PPP1R14C: variants seen among roughly 807,000 people sequenced by gnomAD.
PPP1R14C encodes protein phosphatase 1 regulatory inhibitor subunit 14C, also known as protein phosphatase 1 regulatory subunit 14C.
A neutral mutation model predicts 20.4 loss-of-function variants in PPP1R14C; 16 were observed. That is an observed-to-expected ratio of 0.78 (90% confidence interval 0.53 to 1.19). The LOEUF (loss-of-function observed/expected upper bound fraction) is 1.19. Ranked by LOEUF, PPP1R14C falls within the 50% of genes most tolerant of loss-of-function variation. The pLI, the probability that PPP1R14C is intolerant of heterozygous loss-of-function variation, is 0.00. For synonymous variants in PPP1R14C, 91 were observed against 91.0 expected, an observed-to-expected ratio of 1.00 and a Z score of 0.00; for missense variants, 211 against 220.1, an observed-to-expected ratio of 0.96 and a Z score of 0.26.
chr6:150,220,722 C>T (rs1778156899), intron 3 of PPP1R14C, among the ~76,000 whole-genome samples: 1 of 152,178 alleles, frequency 6.6e-6, no homozygotes, highest in Admixed American at 6.5e-5. Context: ...GGCTTCGCAG[C>T]CAACAGTGAA....
At chr6:150,198,056 G>C (rs1185246969) in intron 1 of PPP1R14C, among the ~76,000 whole-genome samples, 3 of 26,610 alleles carry the variant, frequency 1.1e-4, no homozygotes, top group Admixed American at 3.6e-4. Flanking sequence ...TGTGCCCCTG[G>C]CCGCCACGGT....
At chr6:150,152,118 T>C (rs1777254937) in intron 1 of PPP1R14C, among the ~76,000 whole-genome samples, 1 of 45,226 alleles carries the variant, frequency 2.2e-5, no homozygotes, top group Non-Finnish European at 3.8e-5. Context: ...AGACTCCGTC[T>C]CAAAAAAAAA....
intron 3 of PPP1R14C, among the ~76,000 whole-genome samples, chr6:150,222,930 G>A (rs1028816852): frequency 2.9e-4 from 44 of 151,752 alleles, no homozygotes; most frequent in Middle Eastern, 3.4e-3. Context: ...CACCACACCC[G>A]GCTAATTTTT....
chr6:150,209,841 TTGTGTG>T (rs148237324), intron 1 of PPP1R14C, among the ~76,000 whole-genome samples: 2 of 143,746 alleles, frequency 1.4e-5, no homozygotes, highest in Non-Finnish European at 3.1e-5. Flanking sequence ...GTGTATATAT[TTGTGTG>T]TGTGTGTGTG....
intron 1 of PPP1R14C, among the ~76,000 whole-genome samples, chr6:150,150,458 T>G (rs1408504): frequency 0.57 from 87,229 of 151,900 alleles, 25,206 homozygotes; most frequent in East Asian, 0.72. Context: ...TGTTTGCTTT[T>G]GCTGTCTTCT....
Position 150,143,657 on chromosome 6 carries a change from C to T in PPP1R14C, c.306+159C>T, listed in dbSNP as rs1161680469. Among the ~76,000 whole-genome samples the T allele has an allele frequency of 1.3e-5, 2 of 152,212 alleles. No individual in the cohort carries two copies. The highest frequency in any genetic ancestry group is 2.9e-5 in the Non-Finnish European group (2 of 68,038). On this transcript the variant is annotated intron_variant, in intron 1 of 3. Coordinates refer to ENST00000361131, the MANE Select transcript of PPP1R14C (RefSeq NM_030949.3). The surrounding 1 kb of genome is among the most constrained non-coding windows in gnomAD (Gnocchi z 5.6). ...CGGCGCCTTCTCTCCCCCGCGGTGC[C>T]CTCTGGCGTCGGGCTCAGCGGTTGG...
At chr6:150,149,299 A>G (rs926443790) in intron 1 of PPP1R14C, among the ~76,000 whole-genome samples, 7 of 147,344 alleles carry the variant, frequency 4.8e-5, no homozygotes, top group South Asian at 4.4e-4. Context: ...CTCCATACAT[A>G]TGTGTGTGTG....
intron 3 of PPP1R14C, among the ~76,000 whole-genome samples, chr6:150,238,505 A>G (rs1562277440): frequency 6.6e-6 from 1 of 152,238 alleles, no homozygotes; most frequent in Non-Finnish European, 1.5e-5. Flanking sequence ...TGCCTTCTCC[A>G]GTCTTTGGCT....
chr6:150,184,236 T>G (rs1777652464), intron 1 of PPP1R14C, among the ~76,000 whole-genome samples: 1 of 152,216 alleles, frequency 6.6e-6, no homozygotes, highest in Non-Finnish European at 1.5e-5. Flanking sequence ...CAATCATGTC[T>G]TTGTGCTTTT....
rs377060923 is a variant in PPP1R14C at position 150,155,425 on chromosome 6, A to G, written c.306+11927A>G. ...GACCCACATAAATACTCAGTGATAT[A>G]AGTAGCTACTCCATTTTAAAATGAG... On this transcript the variant is annotated intron_variant, in intron 1 of 3. Transcript: ENST00000361131. Among the ~76,000 whole-genome samples the G allele has an allele frequency of 4.6e-5, 7 of 152,298 alleles. No individual in the cohort carries two copies. In the South Asian group the frequency reaches 1.5e-3, roughly 32 times the overall value.
rs530544496 is a variant in PPP1R14C, at chr6:150,208,196, A to ACCACAT, written c.307-6544_307-6539dup. ...TCACCCTGAGTTTCGGAGGGGTCAA[A>ACCACAT]CCACATCCAAACCATAGCAGGGAGG... On this transcript the variant is annotated intron_variant, in intron 1 of 3. Coordinates refer to ENST00000361131, the MANE Select transcript of PPP1R14C (RefSeq NM_030949.3). 2.0e-3 allele frequency among the ~76,000 whole-genome samples: 304 copies of ACCACAT among 152,272 alleles called. 1 individual carries two copies. The highest frequency in any genetic ancestry group is 7.2e-3 in the African/African-American group (299 of 41,552).
chr6:150,237,094 A>G (rs1417874434), intron 3 of PPP1R14C, among the ~76,000 whole-genome samples: 4 of 148,792 alleles, frequency 2.7e-5, no homozygotes, highest in Non-Finnish European at 5.9e-5. Context: ...GTCACACAAC[A>G]TACTTCTCCT....
chr6:150,224,730 A>G (rs765317600), intron 3 of PPP1R14C, among the ~76,000 whole-genome samples: 5 of 152,230 alleles, frequency 3.3e-5, no homozygotes, highest in African/African-American at 7.2e-5. Flanking sequence ...CTGGATGGAT[A>G]ATTCCAACAT....
chr6:150,166,141 C>T (rs1253906938), intron 1 of PPP1R14C, among the ~76,000 whole-genome samples: 5 of 151,294 alleles, frequency 3.3e-5, no homozygotes, highest in Non-Finnish European at 7.4e-5. Context: ...GGTGCAGTGG[C>T]GCTATCTCGG....
intron 1 of PPP1R14C, among the ~76,000 whole-genome samples, chr6:150,151,811 G>A (rs1777250579): frequency 1.3e-5 from 2 of 152,302 alleles, no homozygotes; most frequent in African/African-American, 4.8e-5. Flanking sequence ...ATTGCTCCCA[G>A]TAGCTCCATT....
chr6:150,237,109 C>T (rs759630859), intron 3 of PPP1R14C, among the ~76,000 whole-genome samples: 18 of 150,412 alleles, frequency 1.2e-4, no homozygotes, highest in Non-Finnish European at 2.2e-4. Flanking sequence ...TCTCCTCTGT[C>T]TTCAATGTCA....
At chr6:150,157,467 G>A (rs1356074842) in intron 1 of PPP1R14C, among the ~76,000 whole-genome samples, 2 of 151,220 alleles carry the variant, frequency 1.3e-5, no homozygotes, top group Non-Finnish European at 2.9e-5. Context: ...TATACTCACA[G>A]GTTCTTTTCA....
At chr6:150,197,776 G>A (rs1329419043) in intron 1 of PPP1R14C, among the ~76,000 whole-genome samples, 2 of 148,398 alleles carry the variant, frequency 1.3e-5, no homozygotes, top group Admixed American at 1.3e-4. Context: ...TGGCCGCCAC[G>A]GTGGAGGAGG....
chr6:150,155,962 C>A (rs568797152), intron 1 of PPP1R14C, among the ~76,000 whole-genome samples: 7 of 138,012 alleles, frequency 5.1e-5, no homozygotes, highest in African/African-American at 1.6e-4. Context: ...GAGGCAGAGA[C>A]CGTAGTGAGC....
Sources: gnomAD v4.1 joint callset for allele counts (sites outside exome capture counted in the v4.1 genomes callset) on GRCh38, gnomAD v4.1.1 for gene constraint, Gnocchi (gnomAD v3.1) non-coding constraint, MANE v1.5 for transcripts, NCBI Gene and HGNC (gene_info 2026-07-23, HGNC 2026-07-21) for gene names.